RIMS1: variants seen among roughly 807,000 people sequenced by gnomAD.
RIMS1 encodes regulating synaptic membrane exocytosis 1, also known as regulating synaptic membrane exocytosis protein 1.
Under a neutral mutation model 214.1 loss-of-function variants are expected in RIMS1, and 83 were observed. The observed-to-expected ratio is 0.39, with a 90% confidence interval of 0.32 to 0.47. The LOEUF is 0.47. RIMS1 is among the 20% of genes least tolerant of loss of function. The pLI is 0.99. For synonymous variants in RIMS1, 793 were observed against 786.8 expected, an observed-to-expected ratio of 1.01 and a Z score of -0.13; for missense variants, 2,050 against 2,161.8, an observed-to-expected ratio of 0.95 and a Z score of 1.03.
intron 4 of RIMS1, among the ~76,000 whole-genome samples, chr6:72,118,260 A>G (rs554498510): frequency 1.3e-5 from 2 of 151,456 alleles, no homozygotes; most frequent in African/African-American, 4.8e-5. Flanking sequence ...AATAACAAGC[A>G]GTGGTATCTG....
intron 28 of RIMS1, among the ~76,000 whole-genome samples, chr6:72,328,124 C>A (rs1436706746): frequency 6.6e-6 from 1 of 151,810 alleles, no homozygotes; most frequent in African/African-American, 2.4e-5. Context: ...TACTATGCAG[C>A]CATAAAAGGG....
At chr6:72,115,358 A>G (rs2153824159) in intron 4 of RIMS1, among the ~76,000 whole-genome samples, 1 of 152,034 alleles carries the variant, frequency 6.6e-6, no homozygotes, top group Middle Eastern at 3.4e-3. Context: ...TGTATATAGT[A>G]TTTTTGCTAT....
At chr6:72,360,676 T>G (rs1295914676) in intron 29 of RIMS1, among the ~76,000 whole-genome samples, 1 of 149,408 alleles carries the variant, frequency 6.7e-6, no homozygotes, top group Non-Finnish European at 1.5e-5. Context: ...ATTTATATAT[T>G]TAATATATTC....
intron 4 of RIMS1, among the ~76,000 whole-genome samples, chr6:72,122,515 CT>C (rs2038614488): frequency 4.0e-5 from 6 of 151,758 alleles, no homozygotes; most frequent in Admixed American, 3.9e-4. Context: ...CAGATTCCCT[CT>C]TTTTCTATTT....
intron 4 of RIMS1, among the ~76,000 whole-genome samples, chr6:72,169,205 AT>A (rs1261583320): frequency 2.0e-5 from 3 of 152,154 alleles, no homozygotes; most frequent in African/African-American, 7.2e-5. Flanking sequence ...TTCTATTTAT[AT>A]TTTTATCTTA....
intron 9 of RIMS1, 103 bp downstream of exon 9, chr6:72,238,025 A>G: frequency 3.1e-6 from 2 of 636,830 alleles, no homozygotes; most frequent in South Asian, 2.2e-5. Flanking sequence ...ATACATACAT[A>G]CATGTATGTA....
At chr6:72,369,433 G>A (rs535760683) in intron 29 of RIMS1, among the ~76,000 whole-genome samples, 10 of 152,182 alleles carry the variant, frequency 6.6e-5, no homozygotes, top group South Asian at 4.2e-4. Context: ...TAAAAGATGT[G>A]TTACAAGAAA....
rs753705242 is a variant in RIMS1 at position 72,265,910 on chromosome 6, GT to G, written c.3309-46del. On this transcript the variant is annotated intron_variant, in intron 21 of 33. Coordinates refer to ENST00000521978, the MANE Select transcript of RIMS1 (RefSeq NM_014989.7). The stretch of plus-strand genomic sequence containing the variant: ...TCTCTAACATGGTCTTCCTTTCTTT[GT>G]TTTCTCTGTCTTTCTCTTCTACCAC... 15 of 1,329,952 alleles carry G rather than the reference GT, an allele frequency of 1.1e-5. No homozygotes were observed. The Admixed American group carries it at 2.1e-4, about 19-fold the overall frequency. 82.4% of individuals were successfully genotyped at this position (1,329,952 alleles called of 1,614,324 possible).
intron 29 of RIMS1, among the ~76,000 whole-genome samples, chr6:72,362,252 A>G (rs1235606473): frequency 2.0e-5 from 3 of 152,202 alleles, no homozygotes; most frequent in Non-Finnish European, 2.9e-5. Context: ...AGGATGAAGT[A>G]GTACAAGTCT....
intron 29 of RIMS1, among the ~76,000 whole-genome samples, chr6:72,340,093 G>T (rs1235917921): frequency 6.6e-6 from 1 of 152,122 alleles, no homozygotes; most frequent in Non-Finnish European, 1.5e-5. Context: ...CTTTTGAGAA[G>T]TGTCTGTTCA....
intron 33 of RIMS1, among the ~76,000 whole-genome samples, chr6:72,399,727 A>C (rs1231290246): frequency 2.0e-5 from 3 of 152,166 alleles, no homozygotes; most frequent in Non-Finnish European, 4.4e-5. Context: ...TACTCAGTAA[A>C]TTTTAAAGAC....
chr6:72,204,191 A>G (rs1481058590), intron 6 of RIMS1, among the ~76,000 whole-genome samples: 1 of 152,192 alleles, frequency 6.6e-6, no homozygotes, highest in Non-Finnish European at 1.5e-5. Flanking sequence ...CTTTGCATAT[A>G]TTTGGAACAG....
chr6:72,178,518 G>A (rs1469074860), intron 4 of RIMS1, among the ~76,000 whole-genome samples: 2 of 152,154 alleles, frequency 1.3e-5, no homozygotes, highest in African/African-American at 2.4e-5. Flanking sequence ...TTGTGAAAAG[G>A]AAGCCTAGAG....
chr6:72,008,410 A>T (rs1319377321), intron 2 of RIMS1, among the ~76,000 whole-genome samples: 1 of 152,224 alleles, frequency 6.6e-6, no homozygotes, highest in Non-Finnish European at 1.5e-5. Context: ...AAGAAACTGC[A>T]TCAACTAACG....
intron 29 of RIMS1, among the ~76,000 whole-genome samples, chr6:72,366,407 TACCTA>T (rs1207654214): frequency 1.3e-5 from 2 of 152,224 alleles, no homozygotes; most frequent in Admixed American, 1.3e-4. Flanking sequence ...TGAGATTTCT[TACCTA>T]ATTGGAGAAG....
chr6:72,058,268 C>T (rs900661473), intron 2 of RIMS1, among the ~76,000 whole-genome samples: 4 of 152,200 alleles, frequency 2.6e-5, no homozygotes, highest in African/African-American at 9.7e-5. Flanking sequence ...CTCAGACTAG[C>T]CTCAGAGAGG....
intron 25 of RIMS1, among the ~76,000 whole-genome samples, chr6:72,291,359 A>T (rs1413997131): frequency 6.6e-6 from 1 of 152,164 alleles, no homozygotes; most frequent in African/African-American, 2.4e-5. Flanking sequence ...TCAAACTTTT[A>T]TTTGTAATTT....
intron 13 of RIMS1, 91 bp downstream of exon 13, chr6:72,250,551 A>C: frequency 1.1e-6 from 1 of 944,078 alleles, no homozygotes; most frequent in Non-Finnish European, 1.6e-6. Flanking sequence ...TAAAAAATAT[A>C]ATAGATAATT....
At chr6:71,970,996 G>A (rs1209087412) in intron 2 of RIMS1, among the ~76,000 whole-genome samples, 4 of 150,872 alleles carry the variant, frequency 2.7e-5, no homozygotes, top group Non-Finnish European at 5.9e-5. Flanking sequence ...AATCAATAGA[G>A]GCTAGTGACC....
Sources: gnomAD v4.1 joint callset for allele counts (sites outside exome capture counted in the v4.1 genomes callset) on GRCh38, gnomAD v4.1.1 for gene constraint, MANE v1.5 for transcripts, NCBI Gene and HGNC (gene_info 2026-07-23, HGNC 2026-07-21) for gene names.